The following ADGRL1 variants were observed in gnomAD, a reference collection of about 807,000 sequenced individuals.
ADGRL1 encodes CIRL-1.
ADGRL1 carries 31 observed loss-of-function variants against 148.9 expected under a neutral mutation model. The ratio of observed to expected loss-of-function variants is 0.21; its 90% CI spans 0.16 to 0.28. The LOEUF is 0.28. Ranked by LOEUF, ADGRL1 falls within the 10% of genes least tolerant of loss-of-function variation. The pLI is 1.00. For synonymous variants in ADGRL1, 937 were observed against 900.3 expected, an observed-to-expected ratio of 1.04 and a Z score of -0.73; for missense variants, 1,521 against 2,058.8, an observed-to-expected ratio of 0.74 and a Z score of 5.05.
chr19:14,162,997 G>A lies in ADGRL1; in HGVS notation c.804C>T (p.Asp268=), dbSNP rs375095215. ...CGTAGATGACCCACAGCCCGTTCTC[G>A]TCCACCGCCAGGTCAATGTCGGTCT... ...GGKTDIDLAV[D]ENGLWVIYAT... is the part of the protein sequence containing the mutation. The change falls in exon 5 of 23, where the codon GAC becomes GAT. Residue 268 remains aspartate (D), a synonymous_variant. Transcript: ENST00000361434. The surrounding 1 kb of genome is among the most constrained non-coding windows in gnomAD (Gnocchi z 5.4). 2.0e-5 allele frequency: 33 copies of A among 1,613,896 alleles called. No homozygotes were observed. The highest frequency in any genetic ancestry group is 4.5e-5 in the East Asian group (2 of 44,890).
chr19:14,168,860 A>G (rs1351952652), intron 4 of ADGRL1: 3 of 152,310 alleles, frequency 2.0e-5, no homozygotes, highest in African/African-American at 7.2e-5. Context: ...ACGAGGGGCC[A>G]GCAACTATGC....
intron 1 of ADGRL1, among the ~76,000 whole-genome samples, chr19:14,196,341 G>A (rs1157049660): frequency 1.3e-5 from 2 of 152,230 alleles, no homozygotes; most frequent in South Asian, 2.1e-4. Context: ...GCACTGGGCC[G>A]GATGTGGCGG....
At position 14,151,155 on chromosome 19, in the gene ADGRL1, C is replaced by T. The variant is rs757237890; in HGVS notation, c.4128G>A (p.Arg1376=). The T allele has an allele frequency of 1.9e-6, 3 of 1,604,616 alleles. No homozygotes were observed. The highest frequency in any genetic ancestry group is 3.8e-4 in the Middle Eastern group (2 of 5,262). ...TSRPLSSPPG[R]DSLYASGANL... ...TGGCCCCGCTGGCATAGAGGGAGTCCCGGCCAGGAGGGGAGGAGAGGGGCC... is the reference window on the plus strand; with the variant it reads ...TGGCCCCGCTGGCATAGAGGGAGTCTCGGCCAGGAGGGGAGGAGAGGGGCC... The change falls in exon 23 of 23, where the codon CGG becomes CGA. Residue 1376 remains arginine (R), a synonymous_variant. Coordinates refer to ENST00000361434, the MANE Select transcript of ADGRL1 (RefSeq NM_014921.5).
At chr19:14,176,311 A>G (rs1347900252) in intron 3 of ADGRL1, among the ~76,000 whole-genome samples, 1 of 152,090 alleles carries the variant, frequency 6.6e-6, no homozygotes, top group African/African-American at 2.4e-5. Flanking sequence ...AGATCGCACC[A>G]CTGCACTCCA....
Position 14,152,698 on chromosome 19 carries a change from A to G in ADGRL1, c.3424-85T>C. The G allele has an allele frequency of 1.3e-6, 2 of 1,598,192 alleles. No individual in the cohort carries two copies. Among genetic ancestry groups the G allele is most frequent in the South Asian group, 2.2e-5 (2 of 90,228 alleles). On this transcript the variant is annotated intron_variant, in intron 19 of 22. Transcript: ENST00000361434. The surrounding 1 kb of genome is among the most constrained non-coding windows in gnomAD (Gnocchi z 6.1). ...TGAGACTGCTCACCTGATCATCACG[A>G]TCAGAAACCTAGGCCAAGCCACTCC...
At chr19:14,168,104 C>G (rs983794662) in intron 4 of ADGRL1, among the ~76,000 whole-genome samples, 1 of 152,104 alleles carries the variant, frequency 6.6e-6, no homozygotes, top group African/African-American at 2.4e-5. Flanking sequence ...CCTCTGAAGC[C>G]CTGGGCCAGG....
chr19:14,151,467 C>A lies in ADGRL1; in HGVS notation c.3816G>T (p.Ala1272=), dbSNP rs139487067. 3.1e-4 allele frequency: 494 copies of A among 1,612,768 alleles called. 1 individual carries two copies. In the East Asian group the frequency reaches 9.9e-3, roughly 32 times the overall value. Reference sequence around the variant, plus strand: ...AGATGATCATCTTCTCAAAGGCCGCCGCATCGGCTAGGTTCCGGCCTCGGG... The same window carrying A: ...AGATGATCATCTTCTCAAAGGCCGCAGCATCGGCTAGGTTCCGGCCTCGGG... ...EPPRGRNLAD[A]AAFEKMIISE... The change falls in exon 23 of 23, where the codon GCG becomes GCT. Residue 1272 remains alanine (A), a synonymous_variant. Transcript: ENST00000361434.
chr19:14,160,335 C>T lies in ADGRL1; in HGVS notation c.1615-38G>A. 1 of 1,550,860 alleles carries T rather than the reference C, an allele frequency of 6.4e-7. No individual in the cohort carries two copies. Among genetic ancestry groups the T allele is most frequent in the Non-Finnish European group, 8.8e-7 (1 of 1,137,712 alleles). ...GGGGCGGGAAGGGGGAATCCCAGGACTGTCAGGGACCATCCTGCCCTCCCC... is the reference window on the plus strand; with the variant it reads ...GGGGCGGGAAGGGGGAATCCCAGGATTGTCAGGGACCATCCTGCCCTCCCC... On this transcript the variant is annotated intron_variant, in intron 7 of 22. Transcript: ENST00000361434. This position sits in a 1 kb window ranked among gnomAD's most constrained non-coding sequence, Gnocchi z 5.9.
chr19:14,205,688 C>T (rs369579841), intron 1 of ADGRL1, among the ~76,000 whole-genome samples: 1 of 151,504 alleles, frequency 6.6e-6, no homozygotes, highest in Admixed American at 6.6e-5. Flanking sequence ...CGCGGGCACA[C>T]TCGCGGTCCC....
intron 1 of ADGRL1, among the ~76,000 whole-genome samples, chr19:14,184,286 C>T (rs530654781): frequency 6.6e-6 from 1 of 152,260 alleles, no homozygotes; most frequent in East Asian, 1.9e-4. Flanking sequence ...TGGAGACAGG[C>T]AGGCGGGGTG....
intron 3 of ADGRL1, among the ~76,000 whole-genome samples, 195 bp downstream of exon 3, chr19:14,177,336 C>T (rs549304396): frequency 2.8e-4 from 42 of 152,168 alleles, no homozygotes; most frequent in African/African-American, 8.2e-4. Context: ...AGGCCTCTGT[C>T]GGGGGCACAG....
intron 1 of ADGRL1, among the ~76,000 whole-genome samples, chr19:14,187,669 C>A (rs560661227): frequency 2.6e-5 from 4 of 151,568 alleles, no homozygotes; most frequent in East Asian, 2.0e-4. Context: ...GTTACCCCGC[C>A]GCCGCCACCA....
chr19:14,181,919 C>T (rs1971224169), intron 2 of ADGRL1, among the ~76,000 whole-genome samples: 1 of 152,140 alleles, frequency 6.6e-6, no homozygotes, highest in South Asian at 2.1e-4. Context: ...TCTGGTGAAC[C>T]TCCAAGGATT....
In ADGRL1 at chr19:14,152,421, G is replaced by A; in HGVS notation, c.3537C>T (p.His1179=). 1 of 1,601,650 alleles carries A rather than the reference G, an allele frequency of 6.2e-7. No individual in the cohort carries two copies. The highest frequency in any genetic ancestry group is 8.5e-7 in the Non-Finnish European group (1 of 1,171,360). ...GCTGCAGCACGGGGTTGGTCAGCAGGTGGTTCCCCATGGTACCTGGCCAAA... is the reference window on the plus strand; with the variant it reads ...GCTGCAGCACGGGGTTGGTCAGCAGATGGTTCCCCATGGTACCTGGCCAAA... ...PTLNRGTMGN[H]LLTNPVLQPR... Residue 1179 remains histidine (H), a synonymous_variant, in exon 21 of 23, where the codon CAC becomes CAT. Transcript: ENST00000361434. The surrounding 1 kb of genome is among the most constrained non-coding windows in gnomAD (Gnocchi z 6.1).
At chr19:14,197,480 C>T (rs1972333752) in intron 1 of ADGRL1, among the ~76,000 whole-genome samples, 2 of 152,136 alleles carry the variant, frequency 1.3e-5, no homozygotes. Flanking sequence ...TCCCTGCCTA[C>T]AACCCTCCAT....
At chr19:14,184,654 T>TTTTTTA (rs1971470442) in intron 1 of ADGRL1, among the ~76,000 whole-genome samples, 1 of 146,924 alleles carries the variant, frequency 6.8e-6, no homozygotes, top group Non-Finnish European at 1.5e-5. Context: ...TTATTTTTTT[T>TTTTTTA]TCTGAGACGG....
chr19:14,190,616 C>T (rs1175413756), intron 1 of ADGRL1, among the ~76,000 whole-genome samples: 1 of 152,202 alleles, frequency 6.6e-6, no homozygotes, highest in East Asian at 1.9e-4. Context: ...GACCTACATC[C>T]CCCGCCTTCC....
intron 1 of ADGRL1, among the ~76,000 whole-genome samples, chr19:14,187,088 A>G (rs1971617406): frequency 6.6e-6 from 1 of 152,230 alleles, no homozygotes; most frequent in African/African-American, 2.4e-5. Flanking sequence ...CTGTAATCCC[A>G]GCACTTTGGG....
rs754631880 is a variant in ADGRL1, at chr19:14,157,151, G to A, written c.2746-6C>T. ...GCGAAGATGGGGCAGGCAATCTGCG[G>A]GGAGCACTGAGGGTGAGGGGCTGCT... On this transcript the variant is annotated splice_polypyrimidine_tract_variant and splice_region_variant and intron_variant, in intron 14 of 22. Transcript: ENST00000361434. This position sits in a 1 kb window ranked among gnomAD's most constrained non-coding sequence, Gnocchi z 7.5. The A allele has an allele frequency of 2.5e-6, 4 of 1,613,910 alleles. No individual in the cohort carries two copies. The highest frequency in any genetic ancestry group is 3.4e-6 in the Non-Finnish European group (4 of 1,179,952).
Sources: gnomAD v4.1 joint callset for allele counts (sites outside exome capture counted in the v4.1 genomes callset) on GRCh38, gnomAD v4.1.1 for gene constraint, Gnocchi (gnomAD v3.1) non-coding constraint, MANE v1.5 for transcripts, NCBI Gene and HGNC (gene_info 2026-07-23, HGNC 2026-07-21) for gene names.